Variants in HELQ observed in about 807,000 individuals in gnomAD.
HELQ encodes the protein helicase, POLQ like, also known as helicase POLQ-like.
A neutral mutation model predicts 111.6 loss-of-function variants in HELQ; 77 were observed. The ratio of observed to expected loss-of-function variants is 0.69; its 90% CI spans 0.57 to 0.83. HELQ has a LOEUF of 0.83. Among genes scored for constraint, HELQ ranks in the 40% least tolerant of loss-of-function variants. The pLI is 0.00. For missense variants in HELQ, 1,200 were observed against 1,288.5 expected (o/e 0.93, Z 1.05); for synonymous variants, 438 against 454.7 (o/e 0.96, Z 0.47).
At chr4:83,446,694 T>C (rs1721066553) in intron 4 of HELQ, 141 bp downstream of exon 4, 2 of 564,470 alleles carry the variant, frequency 3.5e-6, no homozygotes, top group South Asian at 5.8e-5. Context: ...GCATAGAATG[T>C]CTTCACCTAT....
Position 83,420,576 on chromosome 4 carries a change from G to A in HELQ, c.2949+987C>T, listed in dbSNP as rs184019295. 2.2e-3 allele frequency among the ~76,000 whole-genome samples: 342 copies of A among 152,252 alleles called. 1 individual carries two copies. The highest frequency in any genetic ancestry group is 0.014 in the Middle Eastern group (4 of 294). Reference sequence around the variant, plus strand: ...CAGGCAGGTGGATCACTTGAGGTCCGGAGTTCGAGATCAGCCTGGCCAATA... The same window carrying A: ...CAGGCAGGTGGATCACTTGAGGTCCAGAGTTCGAGATCAGCCTGGCCAATA... On this transcript the variant is annotated intron_variant, in intron 15 of 17. Transcript: ENST00000295488.
chr4:83,446,846 C>G lies in HELQ; in HGVS notation c.1381G>C (p.Val461Leu). The stretch of plus-strand genomic sequence containing the variant: ...AAGTATTAACCAACCTCGTCTACAA[C>G]AACCAGACCCAGACTGTCAATTCTT... ...TGRIDSLGLV[V>L]VDELHMIGEG... The change falls in exon 4 of 18, where the codon GTT becomes CTT. Residue 461 changes from valine (V) to leucine (L), a missense_variant. Val to Leu is a conservative substitution (Grantham distance 32). This residue lies in a region of HELQ where 610 missense variants were observed against 607.1 expected (regional missense o/e 1.00). Coordinates refer to ENST00000295488, the MANE Select transcript of HELQ (RefSeq NM_133636.5). 1 of 1,609,726 alleles carries G rather than the reference C, an allele frequency of 6.2e-7. No homozygotes were observed. The highest frequency in any genetic ancestry group is 1.1e-5 in the South Asian group (1 of 90,634).
chr4:83,410,568 G>T (rs1739033599), intron 17 of HELQ, among the ~76,000 whole-genome samples: 1 of 152,084 alleles, frequency 6.6e-6, no homozygotes, highest in African/African-American at 2.4e-5. Context: ...ATTGGAGAAA[G>T]GAAGTACAAA....
At chr4:83,415,174 G>A (rs1447498353) in intron 17 of HELQ, among the ~76,000 whole-genome samples, 1 of 152,184 alleles carries the variant, frequency 6.6e-6, no homozygotes, top group Non-Finnish European at 1.5e-5. Context: ...CTGTGGAATG[G>A]CTTTACCCAC....
At chr4:83,453,168 A>T in intron 2 of HELQ, 63 bp downstream of exon 2, 1 of 876,954 alleles carries the variant, frequency 1.1e-6, no homozygotes, top group Non-Finnish European at 1.8e-6. Flanking sequence ...GCTTCTATTT[A>T]CTTGCACTAA....
At position 83,450,625 on chromosome 4, in the gene HELQ, T is replaced by G. The variant is rs202047070; in HGVS notation, c.1013-1664A>C. On this transcript the variant is annotated intron_variant, in intron 2 of 17. Coordinates refer to ENST00000295488, the MANE Select transcript of HELQ (RefSeq NM_133636.5). The stretch of plus-strand genomic sequence containing the variant: ...CCAATTCAGATTTTTAAGCATAACA[T>G]GACAAAATAACTAATATTTATGAAT... Among the ~76,000 whole-genome samples, 7 of 148,176 alleles carry G rather than the reference T, an allele frequency of 4.7e-5. No homozygotes were observed. The East Asian group carries it at 1.4e-3, about 29-fold the overall frequency.
chr4:83,443,658 G>C, intron 5 of HELQ, 44 bp from the exon 6 acceptor site: 1 of 792,078 alleles, frequency 1.3e-6, no homozygotes, highest in Non-Finnish European at 2.1e-6. Flanking sequence ...AGGAAAATAT[G>C]TTATTTAATA....
intron 11 of HELQ, among the ~76,000 whole-genome samples, chr4:83,431,308 C>T (rs796538608): frequency 2.6e-5 from 4 of 151,858 alleles, no homozygotes; most frequent in Non-Finnish European, 5.9e-5. Flanking sequence ...CAACCACTTG[C>T]CAAGCATTAG....
chr4:83,447,576 A>T (rs539966070), intron 3 of HELQ, among the ~76,000 whole-genome samples: 4 of 152,126 alleles, frequency 2.6e-5, no homozygotes, highest in Non-Finnish European at 5.9e-5. Flanking sequence ...ACCAAAAAGC[A>T]TCAGGGGTGT....
intron 5 of HELQ, 119 bp from the exon 6 acceptor site, chr4:83,443,733 G>A: frequency 1.9e-6 from 1 of 519,330 alleles, no homozygotes; most frequent in Non-Finnish European, 3.5e-6. Flanking sequence ...TTGGGAAAGG[G>A]GTGGGAGAGG....
chr4:83,421,279 T>C (rs1739668863), intron 15 of HELQ, among the ~76,000 whole-genome samples: 1 of 152,222 alleles, frequency 6.6e-6, no homozygotes, highest in Non-Finnish European at 1.5e-5. Context: ...TCTGAATACC[T>C]GAAACTATTA....
At chr4:83,435,669 A>G (rs1038236578) in intron 9 of HELQ, among the ~76,000 whole-genome samples, 2 of 152,184 alleles carry the variant, frequency 1.3e-5, no homozygotes, top group South Asian at 2.1e-4. Context: ...TAAATACTAC[A>G]TAAGATGAAA....
chr4:83,431,397 A>G (rs1229198979), intron 11 of HELQ, among the ~76,000 whole-genome samples: 1 of 151,976 alleles, frequency 6.6e-6, no homozygotes, highest in Non-Finnish European at 1.5e-5. Context: ...GGCTCAAACG[A>G]TCCTCCTGTC....
In HELQ at chr4:83,446,915, T is replaced by C. The variant is rs199845388; in HGVS notation, c.1312A>G (p.Ile438Val). 43 of 1,612,326 alleles carry C rather than the reference T, an allele frequency of 2.7e-5. No homozygotes were observed. The highest frequency in any genetic ancestry group is 1.3e-5 in the African/African-American group (1 of 74,926). ...REKKSLYIAT[I>V]EKGHSLVNSL... ...TTCACCAAGCTATGTCCTTTTTCAATAGTGGCAATATAGAGTGATTTCTTT... is the reference window on the plus strand; with the variant it reads ...TTCACCAAGCTATGTCCTTTTTCAACAGTGGCAATATAGAGTGATTTCTTT... Residue 438 changes from isoleucine to valine, a missense_variant, in exon 4 of 18, where the codon ATT becomes GTT. By Grantham distance (29) the Ile-to-Val change is conservative (BLOSUM62 3). This residue lies in a region of HELQ where 610 missense variants were observed against 607.1 expected (regional missense o/e 1.00). Transcript: ENST00000295488.
chr4:83,421,006 C>T (rs1399072443), intron 15 of HELQ, among the ~76,000 whole-genome samples: 1 of 152,084 alleles, frequency 6.6e-6, no homozygotes, highest in African/African-American at 2.4e-5. Flanking sequence ...TGGAGTTTTC[C>T]CACATTGCTC....
intron 15 of HELQ, among the ~76,000 whole-genome samples, chr4:83,420,563 T>A (rs1739623006): frequency 6.6e-6 from 1 of 151,896 alleles, no homozygotes; most frequent in Non-Finnish European, 1.5e-5. Context: ...GGCAGGTGGA[T>A]CACTTGAGGT....
chr4:83,426,721 G>A (rs1038061443), intron 13 of HELQ, among the ~76,000 whole-genome samples: 1 of 151,974 alleles, frequency 6.6e-6, no homozygotes, highest in Non-Finnish European at 1.5e-5. Context: ...GCGCCACCAT[G>A]ACCAACTAAT....
intron 12 of HELQ, among the ~76,000 whole-genome samples, chr4:83,428,801 T>G (rs1363513463): frequency 2.6e-5 from 4 of 152,014 alleles, no homozygotes; most frequent in South Asian, 2.1e-4. Flanking sequence ...AAAAAAAATT[T>G]TTTTAATTTA....
chr4:83,452,023 C>T (rs1282808100), intron 2 of HELQ, among the ~76,000 whole-genome samples: 2 of 152,180 alleles, frequency 1.3e-5, no homozygotes, highest in Non-Finnish European at 2.9e-5. Context: ...GCTGACCCTC[C>T]AGTATGGCAG....
Sources: gnomAD v4.1 joint callset for allele counts (sites outside exome capture counted in the v4.1 genomes callset) on GRCh38, gnomAD v4.1.1 for gene constraint, gnomAD v4.1.1 regional missense constraint, MANE v1.5 for transcripts, NCBI Gene and HGNC (gene_info 2026-07-23, HGNC 2026-07-21) for gene names.